Variants in GABRA3 observed in about 807,000 individuals in gnomAD.
The protein encoded by GABRA3 is gamma-aminobutyric acid receptor subunit alpha-3.
GABRA3 carries 10 observed loss-of-function variants against 30.1 expected under a neutral mutation model. The ratio of observed to expected loss-of-function variants is 0.33; its 90% CI spans 0.20 to 0.56. GABRA3 has a LOEUF of 0.56. Ranked by LOEUF, GABRA3 falls within the 20% of genes least tolerant of loss-of-function variation. GABRA3 has a pLI of 0.89. For missense variants in GABRA3, 233 were observed against 392.0 expected (o/e 0.59, Z 3.42); for synonymous variants, 151 against 146.8 (o/e 1.03, Z -0.21).
Position 152,166,773 on chromosome X carries a change from A to C in GABRA3, c.*1455T>G, listed in dbSNP as rs1340851740. 9.0e-6 allele frequency: 1 copy of C among 110,541 alleles called. No homozygotes were observed. Among genetic ancestry groups the C allele is most frequent in the Non-Finnish European group, 1.9e-5 (1 of 52,852 alleles). 9.1% of individuals were successfully genotyped at this position (110,541 alleles called of 1,213,427 possible). A position where few individuals can be genotyped will look rare whatever the true frequency, so the allele number is the denominator to read the frequency against. ...CCTTTTTGGTGCCCAACCAAGTTCC[A>C]CTAGTGACCCAGAAGGCCCGCTGAG... On this transcript the variant is annotated 3_prime_UTR_variant, in exon 10 of 10. Coordinates refer to ENST00000370314, the MANE Select transcript of GABRA3 (RefSeq NM_000808.4).
chrX:152,192,802 G>A (rs2124349766), intron 8 of GABRA3, among the ~76,000 whole-genome samples: 1 of 111,542 alleles, frequency 9.0e-6, no homozygotes, highest in South Asian at 3.8e-4. Flanking sequence ...AGTCCTATCT[G>A]ACCTTATCAC....
intron 2 of GABRA3, among the ~76,000 whole-genome samples, chrX:152,347,712 T>C (rs944276538): frequency 8.9e-6 from 1 of 112,240 alleles, no homozygotes; most frequent in Non-Finnish European, 1.9e-5. Context: ...TCCATGAGAA[T>C]GCATTTCCAT....
intron 1 of GABRA3, among the ~76,000 whole-genome samples, chrX:152,421,998 A>C (rs777719238): frequency 3.8e-4 from 42 of 111,573 alleles, no homozygotes; most frequent in Non-Finnish European, 7.5e-4. Flanking sequence ...GCAGTATCTA[A>C]TAAGTTGAAA....
At chrX:152,175,530 CA>C (rs1415299971) in intron 9 of GABRA3, among the ~76,000 whole-genome samples, 2 of 110,626 alleles carry the variant, frequency 1.8e-5, no homozygotes, top group East Asian at 2.9e-4. Context: ...AACATAGAAG[CA>C]AAAAAATGCA....
intron 6 of GABRA3, among the ~76,000 whole-genome samples, chrX:152,220,638 C>T (rs1237943069): frequency 8.9e-6 from 1 of 111,832 alleles, no homozygotes; most frequent in Admixed American, 9.5e-5. Context: ...AAACAATTTT[C>T]CAAAACCTTG....
At chrX:152,259,667 C>T (rs1234863075) in intron 4 of GABRA3, among the ~76,000 whole-genome samples, 4 of 110,504 alleles carry the variant, frequency 3.6e-5, no homozygotes. Context: ...AAGGAAGGAA[C>T]GAACCCCGGC....
At chrX:152,202,880 C>T (rs1011820259) in intron 7 of GABRA3, among the ~76,000 whole-genome samples, 1 of 112,541 alleles carries the variant, frequency 8.9e-6, no homozygotes, top group Admixed American at 9.4e-5. Context: ...TGAGCAGCAA[C>T]ATTTACCTCC....
chrX:152,341,791 C>T (rs1370250452), intron 3 of GABRA3, among the ~76,000 whole-genome samples: 9 of 111,134 alleles, frequency 8.1e-5, no homozygotes, highest in Non-Finnish European at 1.3e-4. Context: ...CTACCTGCCT[C>T]GGCCTCCAAA....
At chrX:152,272,400 C>T (rs1938960044) in intron 4 of GABRA3, among the ~76,000 whole-genome samples, 1 of 111,947 alleles carries the variant, frequency 8.9e-6, no homozygotes, top group African/African-American at 3.2e-5. Context: ...GGCCTGTTGC[C>T]AATTTGGCCA....
At chrX:152,384,689 A>T (rs1025747944) in intron 1 of GABRA3, among the ~76,000 whole-genome samples, 1 of 112,436 alleles carries the variant, frequency 8.9e-6, no homozygotes, top group Non-Finnish European at 1.9e-5. Context: ...TTCTTCACAG[A>T]GTAAGAGAAT....
At chrX:152,433,706 CAAA>C (rs199848886) in intron 1 of GABRA3, among the ~76,000 whole-genome samples, 4 of 58,429 alleles carry the variant, frequency 6.8e-5, no homozygotes, top group Non-Finnish European at 7.0e-5. Flanking sequence ...GAAGGAAGAC[CAAA>C]AAAAAAAAAA....
chrX:152,375,611 C>G (rs1928974257), intron 1 of GABRA3, among the ~76,000 whole-genome samples: 1 of 112,007 alleles, frequency 8.9e-6, no homozygotes, highest in Non-Finnish European at 1.9e-5. Context: ...TCTTTCAGCA[C>G]CTTGTTCATA....
intron 1 of GABRA3, chrX:152,393,393 G>C (rs760235817): frequency 2.7e-6 from 1 of 365,166 alleles, no homozygotes; most frequent in Non-Finnish European, 5.4e-6. Context: ...TCATATACAC[G>C]ATGCATAAAA....
At chrX:152,389,978 G>C (rs1249377926) in intron 1 of GABRA3, among the ~76,000 whole-genome samples, 1 of 111,541 alleles carries the variant, frequency 9.0e-6, no homozygotes, top group African/African-American at 3.3e-5. Context: ...ACATGGATAA[G>C]ATTTGAGATT....
chrX:152,233,247 A>G (rs1407806227), intron 5 of GABRA3, among the ~76,000 whole-genome samples: 1 of 109,172 alleles, frequency 9.2e-6, no homozygotes, highest in Non-Finnish European at 1.9e-5. Flanking sequence ...ATTTTCTCCC[A>G]TTTTGTGGGA....
At chrX:152,394,319 T>C (rs1331368451) in intron 1 of GABRA3, 1 of 343,738 alleles carries the variant, frequency 2.9e-6, no homozygotes, top group Non-Finnish European at 5.9e-6. Context: ...GACAATATGC[T>C]GTGATTCTTC....
intron 7 of GABRA3, among the ~76,000 whole-genome samples, chrX:152,204,539 G>A (rs899193537): frequency 9.1e-5 from 10 of 110,147 alleles, no homozygotes; most frequent in East Asian, 5.6e-4. Context: ...TCTGAGCCTC[G>A]ATTTCCTTAT....
intron 7 of GABRA3, among the ~76,000 whole-genome samples, chrX:152,207,235 G>A (rs996350385): frequency 3.6e-5 from 4 of 111,822 alleles, no homozygotes; most frequent in African/African-American, 3.3e-5. Flanking sequence ...ACAGAGACAA[G>A]TGTTGCTTGA....
chrX:152,432,838 GT>G (rs933706595), intron 1 of GABRA3, among the ~76,000 whole-genome samples: 7 of 111,035 alleles, frequency 6.3e-5, no homozygotes, highest in African/African-American at 2.3e-4. Flanking sequence ...CCTAGATACA[GT>G]TTTTTAAAGG....
Sources: allele counts gnomAD v4.1 joint callset (sites outside exome capture counted in the v4.1 genomes callset), GRCh38; gene constraint gnomAD v4.1.1; transcripts MANE v1.5; gene names NCBI Gene and HGNC (gene_info 2026-07-23, HGNC 2026-07-21).